ADAMTSL1: variants seen among roughly 807,000 people sequenced by gnomAD.
The protein encoded by ADAMTSL1 is ADAMTS-like protein 1.
A neutral mutation model predicts 201.8 loss-of-function variants in ADAMTSL1; 126 were observed. That is an observed-to-expected ratio of 0.62 (90% CI 0.54 to 0.72). The LOEUF is 0.72. Among genes scored for constraint, ADAMTSL1 ranks in the 30% least tolerant of loss-of-function variants. The pLI, the probability that ADAMTSL1 is intolerant of heterozygous loss-of-function variation, is 0.00. For synonymous variants in ADAMTSL1, 1,121 were observed against 903.4 expected (o/e 1.24, Z -4.32); for missense variants, 2,679 against 2,277.8 (o/e 1.18, Z -3.59).
chr9:17,927,811 C>T (rs934527416), intron 1 of ADAMTSL1, among the ~76,000 whole-genome samples: 1 of 151,888 alleles, frequency 6.6e-6, no homozygotes, highest in African/African-American at 2.4e-5. Context: ...CCTGGGGTGT[C>T]CTGGAGTGAA....
At chr9:18,870,388 A>T (rs565003101) in intron 23 of ADAMTSL1, among the ~76,000 whole-genome samples, 23 of 152,168 alleles carry the variant, frequency 1.5e-4, no homozygotes, top group Non-Finnish European at 2.9e-4. Context: ...CAGGCAATTA[A>T]CTCAAACTCT....
chr9:18,306,528 C>A (rs899512864), intron 2 of ADAMTSL1, among the ~76,000 whole-genome samples: 2 of 151,962 alleles, frequency 1.3e-5, no homozygotes, highest in Non-Finnish European at 2.9e-5. Context: ...AAACACAGCA[C>A]GAGAACTCAT....
intron 2 of ADAMTSL1, among the ~76,000 whole-genome samples, chr9:18,251,908 A>G (rs1051677784): frequency 6.6e-6 from 1 of 152,210 alleles, no homozygotes; most frequent in Admixed American, 6.5e-5. Flanking sequence ...AGCATTGCTG[A>G]CATAATGACT....
At chr9:18,903,944 T>C (rs1830149687) in intron 26 of ADAMTSL1, among the ~76,000 whole-genome samples, 1 of 145,200 alleles carries the variant, frequency 6.9e-6, no homozygotes, top group Non-Finnish European at 1.5e-5. Flanking sequence ...CTCACTGAGA[T>C]ATACTTCATG....
rs149438349 is a variant in ADAMTSL1, at chr9:18,160,039, A to G, written c.88-3823A>G. ...CTGAAACATCTCTAGATGATTGATC[A>G]ATCAGTCCCATTCAAGAGAATTTGT... is the stretch of plus-strand genomic sequence containing the variant. On this transcript the variant is annotated intron_variant, in intron 1 of 29. Transcript: ENST00000680146. 4.3e-3 allele frequency among the ~76,000 whole-genome samples: 648 copies of G among 152,144 alleles called. 6 individuals carry two copies. The highest frequency in any genetic ancestry group is 0.015 in the African/African-American group (626 of 41,536).
chr9:18,023,997 G>A (rs1338810959), intron 1 of ADAMTSL1, among the ~76,000 whole-genome samples: 1 of 151,796 alleles, frequency 6.6e-6, no homozygotes, highest in Non-Finnish European at 1.5e-5. Context: ...TTATTCAAAT[G>A]TCTCCTCATC....
chr9:18,129,603 GAT>G (rs1267934388), intron 1 of ADAMTSL1, among the ~76,000 whole-genome samples: 19 of 152,114 alleles, frequency 1.2e-4, no homozygotes, highest in African/African-American at 4.3e-4. Flanking sequence ...CATAAGAAGA[GAT>G]AGGCTTTGTA....
At chr9:18,196,357 G>A (rs1045698984) in intron 2 of ADAMTSL1, among the ~76,000 whole-genome samples, 1 of 152,036 alleles carries the variant, frequency 6.6e-6, no homozygotes. Flanking sequence ...TAAAAGAGGA[G>A]TCCATGAAAG....
At chr9:18,410,123 A>G (rs1409807156) in intron 2 of ADAMTSL1, among the ~76,000 whole-genome samples, 1 of 151,982 alleles carries the variant, frequency 6.6e-6, no homozygotes, top group Non-Finnish European at 1.5e-5. Context: ...ATATTTTATT[A>G]TGAATCATTG....
intron 4 of ADAMTSL1, among the ~76,000 whole-genome samples, chr9:18,612,594 G>A (rs7028404): frequency 0.57 from 87,194 of 151,946 alleles, 25,275 homozygotes; most frequent in East Asian, 0.75. Context: ...CAACTGTCTG[G>A]TCTTTGACAA....
chr9:18,475,354 C>T (rs972062327), intron 1 of ADAMTSL1, among the ~76,000 whole-genome samples: 9 of 152,162 alleles, frequency 5.9e-5, no homozygotes, highest in East Asian at 1.9e-4. Flanking sequence ...ATCTGATCTG[C>T]GCTATAATTT....
intron 4 of ADAMTSL1, among the ~76,000 whole-genome samples, chr9:18,582,888 A>AAAAAT (rs956646868): frequency 5.3e-5 from 8 of 150,318 alleles, no homozygotes; most frequent in East Asian, 1.9e-4. Context: ...AAAATAAAAT[A>AAAAAT]AAAATAAAAT....
At chr9:18,057,078 G>T (rs1258983003) in intron 1 of ADAMTSL1, among the ~76,000 whole-genome samples, 1 of 152,078 alleles carries the variant, frequency 6.6e-6, no homozygotes, top group Non-Finnish European at 1.5e-5. Flanking sequence ...ACGTTGTCCT[G>T]GTGAAGGTCA....
intron 2 of ADAMTSL1, among the ~76,000 whole-genome samples, chr9:18,430,806 G>C (rs1819454421): frequency 6.6e-6 from 1 of 152,214 alleles, no homozygotes; most frequent in African/African-American, 2.4e-5. Context: ...TTGAATGAGA[G>C]GGGCAGAAAG....
At chr9:18,303,660 G>A (rs772652569) in intron 2 of ADAMTSL1, among the ~76,000 whole-genome samples, 1 of 152,216 alleles carries the variant, frequency 6.6e-6, no homozygotes, top group African/African-American at 2.4e-5. Context: ...AGGAGAGGAA[G>A]AGAGAGCGCG....
intron 23 of ADAMTSL1, among the ~76,000 whole-genome samples, chr9:18,846,341 T>C (rs539087416): frequency 6.6e-6 from 1 of 152,086 alleles, no homozygotes; most frequent in African/African-American, 2.4e-5. Context: ...GAGAAACCAA[T>C]GTTTGAGCAA....
chr9:18,315,201 G>A (rs998499947), intron 2 of ADAMTSL1, among the ~76,000 whole-genome samples: 4 of 152,138 alleles, frequency 2.6e-5, no homozygotes, highest in Admixed American at 2.6e-4. Flanking sequence ...GCTGATTGGA[G>A]CATTGACAAA....
At chr9:18,849,901 C>A (rs1387508740) in intron 23 of ADAMTSL1, among the ~76,000 whole-genome samples, 3 of 152,126 alleles carry the variant, frequency 2.0e-5, no homozygotes, top group African/African-American at 4.8e-5. Flanking sequence ...ATAGGGACTG[C>A]AGAAAGCTCT....
intron 8 of ADAMTSL1, among the ~76,000 whole-genome samples, chr9:18,659,830 T>C (rs932217644): frequency 2.0e-5 from 3 of 152,132 alleles, no homozygotes; most frequent in Non-Finnish European, 2.9e-5. Context: ...ATTACTTTGA[T>C]GTTCCATGGG....
Sources: allele counts gnomAD v4.1 joint callset (sites outside exome capture counted in the v4.1 genomes callset), GRCh38; gene constraint gnomAD v4.1.1; transcripts MANE v1.5; gene names NCBI Gene and HGNC (gene_info 2026-07-23, HGNC 2026-07-21).